STK32B: variants seen among roughly 807,000 people sequenced by gnomAD.
STK32B encodes the protein serine/threonine kinase 32B, also known as serine/threonine-protein kinase 32B.
A neutral mutation model predicts 52.6 loss-of-function variants in STK32B; 43 were observed. The observed-to-expected ratio is 0.82, with a 90% CI of 0.64 to 1.05. STK32B has a LOEUF of 1.05. Ranked by LOEUF, STK32B falls within the 50% of genes least tolerant of loss-of-function variation. STK32B has a pLI of 0.00. For missense variants in STK32B, 621 were observed against 534.6 expected, an observed-to-expected ratio of 1.16 and a Z score of -1.59; for synonymous variants, 238 against 204.3, an observed-to-expected ratio of 1.17 and a Z score of -1.41.
intron 1 of STK32B, among the ~76,000 whole-genome samples, chr4:5,075,456 C>G (rs1208173477): frequency 6.6e-6 from 1 of 152,034 alleles, no homozygotes; most frequent in Non-Finnish European, 1.5e-5. Flanking sequence ...GTTTCTCAAT[C>G]TTTTTGCTGT....
chr4:5,325,029 C>T (rs369612844), intron 3 of STK32B, among the ~76,000 whole-genome samples: 10 of 152,196 alleles, frequency 6.6e-5, no homozygotes, highest in African/African-American at 1.9e-4. Context: ...ACATTCACCT[C>T]GTGCTCTGCT....
intron 5 of STK32B, among the ~76,000 whole-genome samples, chr4:5,415,626 C>T (rs1387946715): frequency 6.6e-6 from 1 of 152,228 alleles, no homozygotes; most frequent in Non-Finnish European, 1.5e-5. Flanking sequence ...GCTTCATCCA[C>T]AAGTATCTGA....
intron 1 of STK32B, among the ~76,000 whole-genome samples, chr4:5,086,589 A>G (rs1712744418): frequency 6.6e-6 from 1 of 152,246 alleles, no homozygotes; most frequent in Non-Finnish European, 1.5e-5. Flanking sequence ...GTGACAAAAA[A>G]CAATAAGCTA....
chr4:5,368,905 T>C (rs1560358301), intron 4 of STK32B, among the ~76,000 whole-genome samples: 1 of 152,126 alleles, frequency 6.6e-6, no homozygotes, highest in Non-Finnish European at 1.5e-5. Context: ...ACTCTCCTCT[T>C]CTCTTCCTTG....
chr4:5,261,560 C>A (rs903394177), intron 3 of STK32B, among the ~76,000 whole-genome samples: 5 of 152,138 alleles, frequency 3.3e-5, no homozygotes, highest in African/African-American at 1.2e-4. Flanking sequence ...GCAGAGTTTG[C>A]ATTTTTACAC....
At chr4:5,311,521 A>G (rs776229532) in intron 3 of STK32B, among the ~76,000 whole-genome samples, 1 of 152,186 alleles carries the variant, frequency 6.6e-6, no homozygotes, top group Non-Finnish European at 1.5e-5. Context: ...ATATTTAAGA[A>G]AGTTGATCAA....
intron 2 of STK32B, among the ~76,000 whole-genome samples, chr4:5,159,666 TGTATATGAATATATATATGA>T (rs1553840460): frequency 0.18 from 14,866 of 84,840 alleles, 3,393 homozygotes; most frequent in East Asian, 0.23. Context: ...TATATATGAA[TGTATATGAATATATATATGA>T]ATATATATGA....
intron 2 of STK32B, among the ~76,000 whole-genome samples, chr4:5,165,269 C>G (rs1718780055): frequency 6.6e-6 from 1 of 152,192 alleles, no homozygotes; most frequent in African/African-American, 2.4e-5. Context: ...ATCCAATATC[C>G]TGTATCAACC....
intron 11 of STK32B, among the ~76,000 whole-genome samples, chr4:5,497,837 C>G (rs1720419090): frequency 6.6e-6 from 1 of 152,192 alleles, no homozygotes. Context: ...GGTGAAACAG[C>G]TCTTTCATTT....
rs1312732779 is a variant in STK32B, at chr4:5,053,964, A to G, written c.52+2049A>G. ...ATTGCATTCGAGCCTGGGCACCAAG[A>G]GTGAAGCTCCATCTCAAAATAAATA... On this transcript the variant is annotated intron_variant, in intron 1 of 11. Coordinates refer to ENST00000282908, the MANE Select transcript of STK32B (RefSeq NM_018401.3). Among the ~76,000 whole-genome samples, 6 of 118,836 alleles carry G rather than the reference A, an allele frequency of 5.0e-5. No homozygotes were observed. In the East Asian group the frequency reaches 1.9e-3, roughly 38 times the overall value. 78.0% of individuals were successfully genotyped at this position (118,836 alleles called of 152,430 possible).
intron 4 of STK32B, among the ~76,000 whole-genome samples, chr4:5,340,746 A>G (rs1733019317): frequency 1.3e-5 from 2 of 152,218 alleles, no homozygotes; most frequent in South Asian, 4.1e-4. Context: ...ACTACTTTAA[A>G]CTATATACAT....
chr4:5,065,301 T>C (rs890319325), intron 1 of STK32B, among the ~76,000 whole-genome samples: 2 of 152,164 alleles, frequency 1.3e-5, no homozygotes, highest in African/African-American at 4.8e-5. Context: ...GCAAAACACC[T>C]AGTCTCTCTA....
intron 1 of STK32B, among the ~76,000 whole-genome samples, chr4:5,102,149 C>T (rs1450656250): frequency 6.6e-5 from 10 of 152,290 alleles, no homozygotes; most frequent in Admixed American, 5.9e-4. Context: ...GCCCTCTGAC[C>T]TCGGGCAAGT....
In STK32B at chr4:5,165,888, T is replaced by C. The variant is rs77204599; in HGVS notation, c.109-2411T>C. ...TTCATGCAACGTGCTATCTAATACA[T>C]TGAGATGCAGTTGACATTTATCGTC... On this transcript the variant is annotated intron_variant, in intron 2 of 11. Transcript: ENST00000282908. Among the ~76,000 whole-genome samples, 565 of 152,326 alleles carry C rather than the reference T, an allele frequency of 3.7e-3. 4 individuals carry two copies. Among genetic ancestry groups the C allele is most frequent in the African/African-American group, 0.013 (525 of 41,562 alleles).
intron 4 of STK32B, among the ~76,000 whole-genome samples, chr4:5,359,354 TCCACTCATCCAA>T (rs1311228211): frequency 1.3e-5 from 2 of 148,784 alleles, no homozygotes; most frequent in Non-Finnish European, 3.0e-5. Flanking sequence ...CACCCATCCA[TCCACTCATCCAA>T]CCACTCATCC....
intron 1 of STK32B, among the ~76,000 whole-genome samples, chr4:5,078,208 TCAAAAGTA>T (rs1712199311): frequency 1.3e-5 from 2 of 152,094 alleles, no homozygotes; most frequent in Non-Finnish European, 2.9e-5. Context: ...AGCTCATTGG[TCAAAAGTA>T]GGTCATGTGT....
At chr4:5,281,227 C>T (rs1472007929) in intron 3 of STK32B, among the ~76,000 whole-genome samples, 1 of 152,156 alleles carries the variant, frequency 6.6e-6, no homozygotes, top group Non-Finnish European at 1.5e-5. Flanking sequence ...GTCCCTCCCC[C>T]AATACTGGGA....
intron 3 of STK32B, among the ~76,000 whole-genome samples, chr4:5,327,700 C>A (rs1170664255): frequency 6.6e-6 from 1 of 151,886 alleles, no homozygotes; most frequent in Non-Finnish European, 1.5e-5. Context: ...TCTTAAGGGC[C>A]CTGGTATTTT....
intron 7 of STK32B, among the ~76,000 whole-genome samples, chr4:5,452,962 C>T (rs1177436176): frequency 6.6e-6 from 1 of 152,084 alleles, no homozygotes; most frequent in Non-Finnish European, 1.5e-5. Context: ...AACTCAGCAT[C>T]AGTACAAGCA....
Sources: allele counts gnomAD v4.1 joint callset (sites outside exome capture counted in the v4.1 genomes callset), GRCh38; gene constraint gnomAD v4.1.1; transcripts MANE v1.5; gene names NCBI Gene and HGNC (gene_info 2026-07-23, HGNC 2026-07-21).